The following GRIA2 variants were observed in gnomAD, a reference collection of about 807,000 sequenced individuals.
The protein encoded by GRIA2 is glutamate receptor 2.
A neutral mutation model predicts 97.3 loss-of-function variants in GRIA2; 14 were observed. That is an observed-to-expected ratio of 0.14 (90% confidence interval 0.10 to 0.23). GRIA2 has a LOEUF of 0.23. Ranked by LOEUF, GRIA2 falls within the 10% of genes least tolerant of loss-of-function variation. GRIA2 has a pLI of 1.00. For synonymous variants in GRIA2, 412 were observed against 387.8 expected, an observed-to-expected ratio of 1.06 and a Z score of -0.73; for missense variants, 558 against 1,069.8, an observed-to-expected ratio of 0.52 and a Z score of 6.67.
intron 13 of GRIA2, 45 bp from the exon 14 acceptor site, chr4:157,360,964 TA>T: frequency 7.3e-7 from 1 of 1,364,342 alleles, no homozygotes; most frequent in Non-Finnish European, 1.0e-6. Flanking sequence ...ACAAAAAGTC[TA>T]AAATTTGCTC....
At chr4:157,305,316 C>G (rs1241815274) in intron 3 of GRIA2, among the ~76,000 whole-genome samples, 1 of 152,070 alleles carries the variant, frequency 6.6e-6, no homozygotes, top group Non-Finnish European at 1.5e-5. Context: ...TTGTCGTTGC[C>G]ATTACCCCAG....
chr4:157,305,086 G>T (rs1733783803), intron 3 of GRIA2, among the ~76,000 whole-genome samples: 1 of 152,094 alleles, frequency 6.6e-6, no homozygotes, highest in East Asian at 1.9e-4. Context: ...CAATGTGCTG[G>T]ATGTTTCCGA....
At chr4:157,328,828 C>T (rs1446905299) in intron 6 of GRIA2, among the ~76,000 whole-genome samples, 1 of 151,950 alleles carries the variant, frequency 6.6e-6, no homozygotes, top group African/African-American at 2.4e-5. Context: ...AAGACTCTTT[C>T]TTCACAGAAA....
chr4:157,299,495 C>A (rs1426532279), intron 2 of GRIA2, among the ~76,000 whole-genome samples: 1 of 152,068 alleles, frequency 6.6e-6, no homozygotes, highest in Non-Finnish European at 1.5e-5. Flanking sequence ...ACAAAAAAAA[C>A]ATACTCAGTT....
intron 2 of GRIA2, among the ~76,000 whole-genome samples, chr4:157,253,236 C>T (rs1468040490): frequency 1.3e-5 from 2 of 151,764 alleles, no homozygotes; most frequent in Admixed American, 6.6e-5. Flanking sequence ...CCCACTTCAT[C>T]CTCCCAAGTA....
intron 12 of GRIA2, among the ~76,000 whole-genome samples, chr4:157,347,225 A>T (rs1735801386): frequency 6.6e-6 from 1 of 152,130 alleles, no homozygotes; most frequent in Non-Finnish European, 1.5e-5. Context: ...CCCCTTGTTG[A>T]ATTGTAATTA....
chr4:157,245,221 C>T (rs887805544), intron 2 of GRIA2, among the ~76,000 whole-genome samples: 2 of 151,780 alleles, frequency 1.3e-5, no homozygotes, highest in Non-Finnish European at 2.9e-5. Context: ...ATCTCCAACT[C>T]GATTATTGTT....
intron 2 of GRIA2, among the ~76,000 whole-genome samples, chr4:157,245,140 A>G (rs1309701265): frequency 2.6e-5 from 4 of 152,094 alleles, no homozygotes; most frequent in Non-Finnish European, 4.4e-5. Flanking sequence ...ATAGGATGGT[A>G]GCAGACTTAG....
At chr4:157,277,874 A>ATATATG (rs1732410920) in intron 2 of GRIA2, among the ~76,000 whole-genome samples, 1 of 144,214 alleles carries the variant, frequency 6.9e-6, no homozygotes, top group East Asian at 2.0e-4. Flanking sequence ...GTATATATGT[A>ATATATG]TATATATGTA....
intron 2 of GRIA2, among the ~76,000 whole-genome samples, chr4:157,252,856 A>G (rs1245352628): frequency 6.6e-6 from 1 of 152,118 alleles, no homozygotes; most frequent in Non-Finnish European, 1.5e-5. Flanking sequence ...TGAAAAGGCT[A>G]ACAAAATACT....
At chr4:157,231,000 C>T (rs1033973931) in intron 2 of GRIA2, among the ~76,000 whole-genome samples, 11 of 151,956 alleles carry the variant, frequency 7.2e-5, no homozygotes, top group African/African-American at 2.4e-4. Flanking sequence ...ACTACAGGTC[C>T]ATGCCATCAC....
chr4:157,360,221 T>TA, intron 13 of GRIA2, 78 bp downstream of exon 13: 1 of 1,447,820 alleles, frequency 6.9e-7, no homozygotes, highest in Non-Finnish European at 9.5e-7. Context: ...AAGACTCTCT[T>TA]ACGGTTTGTA....
At chr4:157,302,057 CAG>C (rs980742339) in intron 2 of GRIA2, among the ~76,000 whole-genome samples, 4 of 151,806 alleles carry the variant, frequency 2.6e-5, no homozygotes, top group African/African-American at 9.7e-5. Context: ...CCTGTAATCC[CAG>C]CTACTCGAGA....
At chr4:157,243,795 C>A (rs1267279761) in intron 2 of GRIA2, among the ~76,000 whole-genome samples, 1 of 152,010 alleles carries the variant, frequency 6.6e-6, no homozygotes, top group African/African-American at 2.4e-5. Context: ...TTTACATAGG[C>A]TTACCAGAAT....
chr4:157,319,184 A>G (rs1234916480), intron 5 of GRIA2, among the ~76,000 whole-genome samples: 1 of 152,216 alleles, frequency 6.6e-6, no homozygotes, highest in African/African-American at 2.4e-5. Flanking sequence ...CAGTCTCTCC[A>G]GAACCACATT....
Position 157,364,913 on chromosome 4 carries a change from G to A in GRIA2, c.*1482G>A, listed in dbSNP as rs901950331. On this transcript the variant is annotated 3_prime_UTR_variant, in exon 16 of 16. Transcript: ENST00000264426. Reference sequence around the variant, plus strand: ...CACATTTCTGTAACTTTTGACTAAAGAGCCTATATTTATCTAGTTAATGAA... The same window carrying A: ...CACATTTCTGTAACTTTTGACTAAAAAGCCTATATTTATCTAGTTAATGAA... The A allele has an allele frequency of 1.3e-5, 2 of 151,406 alleles. No individual in the cohort carries two copies. The highest frequency in any genetic ancestry group is 6.6e-5 in the Admixed American group (1 of 15,142). The allele number at this position is 151,406 out of a possible 1,614,324, so 9.4% of individuals were successfully genotyped here. A position where few individuals can be genotyped will look rare whatever the true frequency, so the allele number is the denominator to read the frequency against.
At chr4:157,359,403 T>C (rs879652533) in intron 12 of GRIA2, among the ~76,000 whole-genome samples, 1 of 152,198 alleles carries the variant, frequency 6.6e-6, no homozygotes, top group Non-Finnish European at 1.5e-5. Flanking sequence ...CAGTATTAGA[T>C]AGAAGTTTCC....
chr4:157,257,487 G>T (rs1731330629), intron 2 of GRIA2, among the ~76,000 whole-genome samples: 1 of 152,080 alleles, frequency 6.6e-6, no homozygotes, highest in Admixed American at 6.6e-5. Flanking sequence ...CATAATAGAT[G>T]ATTGCATTGT....
intron 2 of GRIA2, among the ~76,000 whole-genome samples, chr4:157,233,048 T>G (rs2126697661): frequency 6.6e-6 from 1 of 152,266 alleles, no homozygotes; most frequent in South Asian, 2.1e-4. Context: ...TATTAGAATT[T>G]TTGGATTGTT....
Sources: gnomAD v4.1 joint callset for allele counts (sites outside exome capture counted in the v4.1 genomes callset) on GRCh38, gnomAD v4.1.1 for gene constraint, MANE v1.5 for transcripts, NCBI Gene and HGNC (gene_info 2026-07-23, HGNC 2026-07-21) for gene names.